EDIL3: variants seen among roughly 807,000 people sequenced by gnomAD.
The protein encoded by EDIL3 is EGF-like repeat and discoidin I-like domain-containing protein 3.
In EDIL3, 37 loss-of-function variants were observed where a neutral mutation model predicts 67.4. The ratio of observed to expected loss-of-function variants is 0.55; its 90% confidence interval spans 0.42 to 0.72. The LOEUF (loss-of-function observed/expected upper bound fraction) is 0.72, where lower values mean the gene tolerates loss of function less well. EDIL3 is among the 30% of genes least tolerant of loss of function. EDIL3 has a pLI of 0.00. For synonymous variants in EDIL3, 195 were observed against 196.3 expected (o/e 0.99, Z 0.05); for missense variants, 527 against 586.3 (o/e 0.90, Z 1.04).
chr5:83,958,983 A>G (rs908908357), intron 10 of EDIL3, among the ~76,000 whole-genome samples: 3 of 151,248 alleles, frequency 2.0e-5, no homozygotes, highest in African/African-American at 7.3e-5. Flanking sequence ...GTGTCATCAC[A>G]GGCTCAATTA....
intron 5 of EDIL3, among the ~76,000 whole-genome samples, chr5:84,132,364 TTA>T (rs1368476588): frequency 2.9e-4 from 8 of 27,420 alleles, no homozygotes; most frequent in South Asian, 1.6e-3. Context: ...ATAATATATA[TTA>T]TATATATTAT....
intron 10 of EDIL3, among the ~76,000 whole-genome samples, chr5:83,952,642 T>C (rs981826076): frequency 3.3e-5 from 5 of 151,812 alleles, no homozygotes; most frequent in African/African-American, 1.2e-4. Flanking sequence ...ACAGAGCAAC[T>C]TGCCTCTCTA....
chr5:84,184,576 T>C (rs1749067043), intron 3 of EDIL3, among the ~76,000 whole-genome samples: 1 of 152,130 alleles, frequency 6.6e-6, no homozygotes, highest in African/African-American at 2.4e-5. Flanking sequence ...GAGTGGTACT[T>C]GGGGAAATCA....
chr5:84,325,826 T>G (rs1746745225), intron 1 of EDIL3, among the ~76,000 whole-genome samples: 1 of 152,116 alleles, frequency 6.6e-6, no homozygotes, highest in Non-Finnish European at 1.5e-5. Flanking sequence ...AAAAGTCTAA[T>G]GTATGCTAAA....
At chr5:84,346,425 TATGA>T (rs1747241443) in intron 1 of EDIL3, among the ~76,000 whole-genome samples, 1 of 152,166 alleles carries the variant, frequency 6.6e-6, no homozygotes, top group South Asian at 2.1e-4. Context: ...CAAAATGGAC[TATGA>T]GAGATGTTCA....
chr5:83,953,136 T>C (rs934143061), intron 10 of EDIL3, among the ~76,000 whole-genome samples: 1 of 151,810 alleles, frequency 6.6e-6, no homozygotes, highest in Admixed American at 6.6e-5. Context: ...GTAGACCATC[T>C]GGTCCAGCTA....
chr5:84,172,140 A>C (rs1011045812), intron 4 of EDIL3, among the ~76,000 whole-genome samples: 2 of 152,130 alleles, frequency 1.3e-5, no homozygotes, highest in Non-Finnish European at 2.9e-5. Context: ...GGAAAGCAGG[A>C]AAATTTCTCG....
At chr5:84,198,566 T>A (rs1390449301) in intron 3 of EDIL3, among the ~76,000 whole-genome samples, 1 of 152,076 alleles carries the variant, frequency 6.6e-6, no homozygotes, top group African/African-American at 2.4e-5. Flanking sequence ...GAATTAGCAA[T>A]GAAGTAAAAT....
intron 9 of EDIL3, among the ~76,000 whole-genome samples, chr5:83,966,624 T>A (rs758517750): frequency 6.6e-6 from 1 of 152,040 alleles, no homozygotes; most frequent in Non-Finnish European, 1.5e-5. Flanking sequence ...ATCTTGGACA[T>A]GCTACTTTAC....
intron 5 of EDIL3, among the ~76,000 whole-genome samples, chr5:84,108,449 T>A (rs1301571950): frequency 6.6e-6 from 1 of 152,134 alleles, no homozygotes. Context: ...TTAGGACTGC[T>A]TAGCACTTTA....
chr5:83,975,616 T>G (rs1744864936), intron 9 of EDIL3, among the ~76,000 whole-genome samples: 1 of 151,888 alleles, frequency 6.6e-6, no homozygotes, highest in Admixed American at 6.6e-5. Context: ...GCTGACATTT[T>G]AAACATAATT....
intron 1 of EDIL3, among the ~76,000 whole-genome samples, chr5:84,332,797 G>A (rs1198743825): frequency 6.6e-6 from 1 of 151,964 alleles, no homozygotes; most frequent in African/African-American, 2.4e-5. Flanking sequence ...ACAAAGAGCT[G>A]GAACTATAAT....
intron 3 of EDIL3, among the ~76,000 whole-genome samples, chr5:84,180,897 T>C (rs1749002228): frequency 6.6e-6 from 1 of 152,142 alleles, no homozygotes. Flanking sequence ...AATTAGATAT[T>C]ATTAAAATTT....
intron 1 of EDIL3, among the ~76,000 whole-genome samples, chr5:84,306,272 G>A (rs1227966102): frequency 1.3e-5 from 2 of 152,140 alleles, no homozygotes; most frequent in Non-Finnish European, 2.9e-5. Flanking sequence ...ACCAATCACA[G>A]CTGCAACCAG....
intron 4 of EDIL3, among the ~76,000 whole-genome samples, chr5:84,173,448 C>A (rs993134503): frequency 1.3e-5 from 2 of 152,126 alleles, no homozygotes; most frequent in Admixed American, 1.3e-4. Context: ...AACTCCCCTG[C>A]ACCCACTGGA....
chr5:84,340,244 C>G (rs1221896663), intron 1 of EDIL3, among the ~76,000 whole-genome samples: 2 of 150,738 alleles, frequency 1.3e-5, no homozygotes, highest in African/African-American at 2.4e-5. Flanking sequence ...ACATTAACAA[C>G]AAGAAAAAAA....
rs1050938084 is a variant in EDIL3 at position 84,264,357 on chromosome 5, G to A, written c.68-10145C>T. On this transcript the variant is annotated intron_variant, in intron 1 of 10. Coordinates refer to ENST00000296591, the MANE Select transcript of EDIL3 (RefSeq NM_005711.5). The stretch of plus-strand genomic sequence containing the variant: ...TTGAGAAGGATAGAAGGTAACATGC[G>A]CATGCAGTAAATAGAAGGTTGTTGC... Among the ~76,000 whole-genome samples, 15 of 152,312 alleles carry A rather than the reference G, an allele frequency of 9.8e-5. 1 individual carries two copies. In the East Asian group the frequency reaches 1.9e-3, roughly 20 times the overall value.
intron 9 of EDIL3, among the ~76,000 whole-genome samples, chr5:84,011,237 C>G (rs1014716117): frequency 2.0e-5 from 3 of 152,104 alleles, no homozygotes; most frequent in Non-Finnish European, 4.4e-5. Flanking sequence ...TAGACCTGCT[C>G]TTTCTCTAAT....
At chr5:84,365,574 C>G (rs892156682) in intron 1 of EDIL3, among the ~76,000 whole-genome samples, 1 of 152,086 alleles carries the variant, frequency 6.6e-6, no homozygotes, top group Non-Finnish European at 1.5e-5. Flanking sequence ...CACCTGATGA[C>G]TTAGGAGACA....
Sources: allele counts gnomAD v4.1 joint callset (sites outside exome capture counted in the v4.1 genomes callset), GRCh38; gene constraint gnomAD v4.1.1; transcripts MANE v1.5; gene names NCBI Gene and HGNC (gene_info 2026-07-23, HGNC 2026-07-21).